Variants in TANGO6 observed in about 807,000 individuals in gnomAD.
TANGO6 encodes the protein transport and golgi organization 6 homolog.
Under a neutral mutation model 114.2 loss-of-function variants are expected in TANGO6, and 90 were observed. That is an observed-to-expected ratio of 0.79 (90% CI 0.66 to 0.94). TANGO6 has a LOEUF of 0.94. Among genes scored for constraint, TANGO6 ranks in the 40% least tolerant of loss-of-function variants. TANGO6 has a pLI of 0.00. For synonymous variants in TANGO6, 477 were observed against 509.8 expected (o/e 0.94, Z 0.87); for missense variants, 1,274 against 1,315.3 (o/e 0.97, Z 0.49).
At chr16:68,920,333 A>G (rs181253649) in intron 12 of TANGO6, among the ~76,000 whole-genome samples, 17 of 152,370 alleles carry the variant, frequency 1.1e-4, no homozygotes, top group African/African-American at 3.4e-4. Flanking sequence ...AAACTCTTCC[A>G]AGTAAGGAAA....
rs764740942 is a variant in TANGO6 at position 69,022,925 on chromosome 16, C to T, written c.2940C>T (p.Asn980=). ...CTCACAGGGCCAGCAGCTTGGCCAA[C>T]CTTGGGGAGCTGTGCCAGAGGCTGG... ...DGAHRASSLA[N]LGELCQRLDF... is the part of the protein sequence containing the mutation. The change falls in exon 16 of 18, where the codon AAC becomes AAT. Residue 980 remains asparagine, a synonymous_variant. Transcript: ENST00000261778. 7 of 1,604,756 alleles carry T rather than the reference C, an allele frequency of 4.4e-6. No homozygotes were observed. The South Asian group carries it at 4.5e-5, about 10-fold the overall frequency.
chr16:68,851,379 C>T (rs1478637175), intron 1 of TANGO6, among the ~76,000 whole-genome samples: 1 of 152,054 alleles, frequency 6.6e-6, no homozygotes, highest in Admixed American at 6.6e-5. Context: ...AGGCTGGCCT[C>T]GAACTCCTGA....
chr16:68,852,051 G>A (rs978769293), intron 1 of TANGO6, among the ~76,000 whole-genome samples: 2 of 152,070 alleles, frequency 1.3e-5, no homozygotes, highest in African/African-American at 4.8e-5. Context: ...ATTAAATAAT[G>A]TTCAGCATTT....
intron 15 of TANGO6, among the ~76,000 whole-genome samples, chr16:68,975,584 G>T (rs1019430682): frequency 2.0e-5 from 3 of 151,400 alleles, no homozygotes; most frequent in African/African-American, 4.9e-5. Flanking sequence ...TCAAGACAGG[G>T]TCTTACTCAG....
intron 15 of TANGO6, among the ~76,000 whole-genome samples, chr16:68,979,846 CT>C (rs775591234): frequency 0.042 from 5,749 of 136,184 alleles, 292 homozygotes; most frequent in African/African-American, 0.14. Flanking sequence ...TGTTTTTTGA[CT>C]TTTTTTTTTT....
chr16:68,917,656 A>G (rs1963025345), intron 11 of TANGO6, among the ~76,000 whole-genome samples: 1 of 152,122 alleles, frequency 6.6e-6, no homozygotes, highest in Non-Finnish European at 1.5e-5. Flanking sequence ...CCAGTTCTCC[A>G]GTGACATAGG....
intron 1 of TANGO6, 126 bp downstream of exon 1, chr16:68,843,837 G>T: frequency 1.1e-6 from 1 of 872,554 alleles, no homozygotes; most frequent in Non-Finnish European, 1.8e-6. Context: ...GCCCGCTGCT[G>T]GGGGCTTTGA....
At chr16:68,982,669 A>C (rs1963849946) in intron 15 of TANGO6, among the ~76,000 whole-genome samples, 2 of 91,680 alleles carry the variant, frequency 2.2e-5, no homozygotes, top group Admixed American at 1.5e-4. Context: ...ACAGGGGCTC[A>C]CTATGTTGCC....
intron 14 of TANGO6, among the ~76,000 whole-genome samples, chr16:68,955,380 G>C (rs1023814881): frequency 1.3e-5 from 2 of 152,114 alleles, no homozygotes; most frequent in African/African-American, 4.8e-5. Flanking sequence ...ATTTCATCCG[G>C]GATATATCTG....
rs774538276 is a variant in TANGO6, at chr16:68,863,084, G to A, written c.852+23G>A. 12 of 1,383,240 alleles carry A rather than the reference G, an allele frequency of 8.7e-6. No individual in the cohort carries two copies. In the South Asian group the frequency reaches 1.7e-4, roughly 20 times the overall value. The allele number at this position is 1,383,240 out of a possible 1,614,324, so 85.7% of individuals were successfully genotyped here. On this transcript the variant is annotated intron_variant, in intron 3 of 17. Transcript: ENST00000261778. Reference sequence around the variant, plus strand: ...CAGGTACTCAGGCCTAGGGACTCTTGGGGGTGACTCATTAATGATAATGTG... The same window carrying A: ...CAGGTACTCAGGCCTAGGGACTCTTAGGGGTGACTCATTAATGATAATGTG...
intron 14 of TANGO6, among the ~76,000 whole-genome samples, chr16:68,939,196 C>T (rs1234487165): frequency 6.6e-6 from 1 of 151,476 alleles, no homozygotes; most frequent in African/African-American, 2.4e-5. Context: ...ACTAAGAGCC[C>T]AAGACTAAGG....
chr16:68,986,434 A>G (rs1331027893), intron 15 of TANGO6, among the ~76,000 whole-genome samples: 1 of 151,960 alleles, frequency 6.6e-6, no homozygotes, highest in Non-Finnish European at 1.5e-5. Flanking sequence ...TCCGGCTGTA[A>G]AACACCCTGA....
At chr16:69,013,674 C>T (rs1239703622) in intron 15 of TANGO6, among the ~76,000 whole-genome samples, 10 of 140,680 alleles carry the variant, frequency 7.1e-5, no homozygotes, top group East Asian at 2.0e-4. Context: ...TTTTTTTTTC[C>T]GAGACCAGGT....
intron 12 of TANGO6, among the ~76,000 whole-genome samples, chr16:68,919,477 A>T (rs1363112590): frequency 6.6e-6 from 1 of 152,154 alleles, no homozygotes; most frequent in East Asian, 1.9e-4. Flanking sequence ...TTAATTTGGG[A>T]ACATCTAGCC....
chr16:69,031,428 C>T lies in TANGO6; in HGVS notation c.2994+8449C>T, dbSNP rs1449178961. On this transcript the variant is annotated intron_variant, in intron 16 of 17. Transcript: ENST00000261778. ...ATAATAGTCATAGCAAGGCTGGGCA[C>T]GGTGGCTCAGACCTGTAATCTCAAC... 3.9e-5 allele frequency among the ~76,000 whole-genome samples: 6 copies of T among 151,976 alleles called. 1 individual carries two copies. The highest frequency in any genetic ancestry group is 2.0e-4 in the Admixed American group (3 of 15,234).
intron 15 of TANGO6, among the ~76,000 whole-genome samples, chr16:68,980,409 C>CTCTCTCTCTCTCTCTCTCTCTCTCTATA (rs1408626276): frequency 5.9e-5 from 4 of 67,976 alleles, no homozygotes; most frequent in Non-Finnish European, 8.0e-5. Context: ...CTCTCTCTCT[C>CTCTCTCTCTCTCTCTCTCTCTCTCTATA]TATATATATA....
intron 1 of TANGO6, among the ~76,000 whole-genome samples, chr16:68,859,658 A>T: frequency 6.6e-6 from 1 of 152,242 alleles, no homozygotes. Context: ...ATGAACTGTA[A>T]CGTTAGTACA....
chr16:68,856,861 G>C (rs781471447), intron 1 of TANGO6, among the ~76,000 whole-genome samples: 1 of 152,158 alleles, frequency 6.6e-6, no homozygotes, highest in African/African-American at 2.4e-5. Context: ...TGTAATCCCA[G>C]CACTTTGGGA....
At chr16:68,902,944 A>G (rs1962803878) in intron 9 of TANGO6, among the ~76,000 whole-genome samples, 1 of 152,192 alleles carries the variant, frequency 6.6e-6, no homozygotes, top group Non-Finnish European at 1.5e-5. Context: ...TTTGTTTCTC[A>G]TAGGGATTGA....
Sources: gnomAD v4.1 joint callset for allele counts (sites outside exome capture counted in the v4.1 genomes callset) on GRCh38, gnomAD v4.1.1 for gene constraint, MANE v1.5 for transcripts, NCBI Gene and HGNC (gene_info 2026-07-23, HGNC 2026-07-21) for gene names.